Variants in MSH3 observed in about 807,000 individuals in gnomAD.
The protein encoded by MSH3 is DNA mismatch repair protein Msh3.
Under a neutral mutation model 123.3 loss-of-function variants are expected in MSH3, and 106 were observed. The observed-to-expected ratio is 0.86, with a 90% CI of 0.73 to 1.01. MSH3 has a LOEUF of 1.01. Among genes scored for constraint, MSH3 ranks in the 50% least tolerant of loss-of-function variants. The probability of loss-of-function intolerance (pLI) is 0.00; values close to 1 mark genes in which losing one functional copy is unlikely to be tolerated. For synonymous variants in MSH3, 515 were observed against 481.4 expected (o/e 1.07, Z -0.91); for missense variants, 1,459 against 1,347.6 (o/e 1.08, Z -1.29).
chr5:80,864,908 C>G lies in MSH3; in HGVS notation c.3096C>G (p.Phe1032Leu), dbSNP rs959058934. The stretch of plus-strand genomic sequence containing the variant: ...AGGTGGGGAATTACCACATGGGATT[C>G]TTGGTCAGTGAGGATGAAAGCAAAC... ...SHQVGNYHMG[F>L]LVSEDESKLD... is the part of the protein sequence containing the mutation. Residue 1032 changes from phenylalanine to leucine, a missense_variant, in exon 22 of 24, where the codon TTC becomes TTG. Transcript: ENST00000265081. 1 of 1,613,706 alleles carries G rather than the reference C, an allele frequency of 6.2e-7. No individual in the cohort carries two copies. Among genetic ancestry groups the G allele is most frequent in the Non-Finnish European group, 8.5e-7 (1 of 1,179,804 alleles).
chr5:80,866,827 T>C (rs552789204), intron 22 of MSH3, among the ~76,000 whole-genome samples: 142 of 152,354 alleles, frequency 9.3e-4, no homozygotes, highest in African/African-American at 3.3e-3. Context: ...TTACAACGTT[T>C]TCTATTTTCT....
intron 22 of MSH3, among the ~76,000 whole-genome samples, chr5:80,869,461 C>G (rs1244730290): frequency 6.6e-6 from 1 of 152,072 alleles, no homozygotes; most frequent in Non-Finnish European, 1.5e-5. Context: ...CTTTTTCTGA[C>G]TCCATATTTC....
intron 17 of MSH3, 140 bp downstream of exon 17, chr5:80,778,976 ATTTC>A (rs1365012260): frequency 3.2e-4 from 139 of 439,876 alleles, no homozygotes; most frequent in African/African-American, 2.8e-3. Context: ...CTCTGATTTT[ATTTC>A]TTTTTTTTTT....
chr5:80,779,580 T>TCA (rs921971733), intron 17 of MSH3, among the ~76,000 whole-genome samples: 5 of 149,012 alleles, frequency 3.4e-5, no homozygotes, highest in African/African-American at 1.2e-4. Flanking sequence ...AGGTGGAGTC[T>TCA]CACTCTGTCA....
chr5:80,717,425 C>G (rs764681901), intron 8 of MSH3, among the ~76,000 whole-genome samples: 2 of 152,052 alleles, frequency 1.3e-5, no homozygotes, highest in Non-Finnish European at 2.9e-5. Flanking sequence ...CTCCACCATG[C>G]CCAGCTAATT....
chr5:80,849,838 C>T (rs896622955), intron 20 of MSH3, among the ~76,000 whole-genome samples: 2 of 152,112 alleles, frequency 1.3e-5, no homozygotes, highest in Non-Finnish European at 2.9e-5. Flanking sequence ...TTCAGCTCCT[C>T]GTTTTTAATG....
At chr5:80,683,793 T>C (rs1750023069) in intron 8 of MSH3, among the ~76,000 whole-genome samples, 1 of 152,192 alleles carries the variant, frequency 6.6e-6, no homozygotes, top group Non-Finnish European at 1.5e-5. Flanking sequence ...TCCCCAATGT[T>C]TTATTTTAGT....
At chr5:80,679,390 C>T (rs1749917407) in intron 8 of MSH3, among the ~76,000 whole-genome samples, 1 of 152,028 alleles carries the variant, frequency 6.6e-6, no homozygotes, top group African/African-American at 2.4e-5. Flanking sequence ...GAAGAAACAC[C>T]ACCTACCCCT....
chr5:80,809,179 T>G (rs1744962806), intron 19 of MSH3, among the ~76,000 whole-genome samples: 1 of 152,100 alleles, frequency 6.6e-6, no homozygotes, highest in Non-Finnish European at 1.5e-5. Flanking sequence ...GTTTTAAACT[T>G]TACAAAATGC....
intron 12 of MSH3, among the ~76,000 whole-genome samples, chr5:80,750,078 A>AGTGTGT (rs57762095): frequency 0.28 from 36,900 of 134,042 alleles, 5,376 homozygotes; most frequent in East Asian, 0.37. Flanking sequence ...AGTATTCCAG[A>AGTGTGT]GTGTGTGTGT....
chr5:80,866,729 C>T (rs894411114), intron 22 of MSH3, among the ~76,000 whole-genome samples: 1 of 152,164 alleles, frequency 6.6e-6, no homozygotes, highest in South Asian at 2.1e-4. Context: ...TATTGTATGT[C>T]ATTCATACTT....
At chr5:80,757,519 C>G (rs1046273365) in intron 12 of MSH3, among the ~76,000 whole-genome samples, 1 of 152,104 alleles carries the variant, frequency 6.6e-6, no homozygotes, top group East Asian at 1.9e-4. Flanking sequence ...TCCAGTGACA[C>G]TCACATTTAG....
At chr5:80,845,232 ACT>A (rs1374713548) in intron 20 of MSH3, among the ~76,000 whole-genome samples, 2 of 151,728 alleles carry the variant, frequency 1.3e-5, no homozygotes, top group Admixed American at 6.6e-5. Context: ...ATTGGCCCCC[ACT>A]CTCTTCTGGC....
At chr5:80,851,599 C>A (rs1025004278) in intron 20 of MSH3, among the ~76,000 whole-genome samples, 1 of 152,016 alleles carries the variant, frequency 6.6e-6, no homozygotes, top group Admixed American at 6.6e-5. Flanking sequence ...TTGCCTTTAA[C>A]TTTTTTATTA....
intron 8 of MSH3, among the ~76,000 whole-genome samples, chr5:80,705,434 A>G (rs763537877): frequency 1.1e-4 from 17 of 152,304 alleles, no homozygotes; most frequent in African/African-American, 3.4e-4. Flanking sequence ...CTTGAAATCA[A>G]CTATGTTGGG....
At chr5:80,727,865 A>G (rs1456718778) in intron 9 of MSH3, among the ~76,000 whole-genome samples, 1 of 152,160 alleles carries the variant, frequency 6.6e-6, no homozygotes, top group African/African-American at 2.4e-5. Context: ...GGAAGGCCTC[A>G]CTGAGAAACA....
intron 8 of MSH3, among the ~76,000 whole-genome samples, chr5:80,697,702 T>C (rs1413889505): frequency 6.6e-6 from 1 of 152,126 alleles, no homozygotes; most frequent in Non-Finnish European, 1.5e-5. Flanking sequence ...GGACCATTGT[T>C]TGAATGAAAA....
chr5:80,876,686 G>A lies in MSH3; in HGVS notation c.*824G>A, dbSNP rs531195404. ...AATTATCAAGCTTTTAAAAACTAGAGCACAGAAGGAATAAGGTCATGAAAT... is the reference window on the plus strand; with the variant it reads ...AATTATCAAGCTTTTAAAAACTAGAACACAGAAGGAATAAGGTCATGAAAT... On this transcript the variant is annotated 3_prime_UTR_variant, in exon 24 of 24. Transcript: ENST00000265081. Among the ~76,000 whole-genome samples, 2 of 151,658 alleles carry A rather than the reference G, an allele frequency of 1.3e-5. No individual in the cohort carries two copies. The highest frequency in any genetic ancestry group is 4.2e-4 in the South Asian group (2 of 4,796).
chr5:80,747,807 G>A (rs1215224174), intron 12 of MSH3, among the ~76,000 whole-genome samples: 1 of 152,206 alleles, frequency 6.6e-6, no homozygotes, highest in African/African-American at 2.4e-5. Flanking sequence ...CTGGGTTTTA[G>A]CGTAGGAGCA....
Sources: gnomAD v4.1 joint callset for allele counts (sites outside exome capture counted in the v4.1 genomes callset) on GRCh38, gnomAD v4.1.1 for gene constraint, MANE v1.5 for transcripts, NCBI Gene and HGNC (gene_info 2026-07-23, HGNC 2026-07-21) for gene names.